The following PRKCE variants were observed in gnomAD, a reference collection of about 807,000 sequenced individuals.
PRKCE encodes the protein protein kinase C epsilon.
PRKCE carries 16 observed loss-of-function variants against 85.4 expected under a neutral mutation model. The ratio of observed to expected loss-of-function variants is 0.19; its 90% CI spans 0.13 to 0.28. The LOEUF is 0.28. Ranked by LOEUF, PRKCE falls within the 10% of genes least tolerant of loss-of-function variation. The probability of loss-of-function intolerance (pLI) is 1.00; values close to 1 mark genes in which losing one functional copy is unlikely to be tolerated. For missense variants in PRKCE, 573 were observed against 975.2 expected, an observed-to-expected ratio of 0.59 and a Z score of 5.49; for synonymous variants, 388 against 371.5, an observed-to-expected ratio of 1.04 and a Z score of -0.51.
chr2:46,002,168 A>T (rs1334216973), intron 7 of PRKCE, among the ~76,000 whole-genome samples: 1 of 152,244 alleles, frequency 6.6e-6, no homozygotes, highest in African/African-American at 2.4e-5. Context: ...CACAGATGTA[A>T]ACAGGGGGAA....
intron 2 of PRKCE, among the ~76,000 whole-genome samples, chr2:45,853,926 A>T (rs1692473089): frequency 6.6e-6 from 1 of 152,022 alleles, no homozygotes; most frequent in Non-Finnish European, 1.5e-5. Flanking sequence ...TTATTTAGCT[A>T]CTTCTTTATT....
intron 14 of PRKCE, among the ~76,000 whole-genome samples, chr2:46,175,651 G>A (rs991144968): frequency 3.3e-5 from 5 of 152,330 alleles, no homozygotes; most frequent in Non-Finnish European, 7.3e-5. Context: ...GAGCATGAAG[G>A]CTAAGCCACT....
At chr2:45,865,585 G>A (rs78369533) in intron 2 of PRKCE, among the ~76,000 whole-genome samples, 12,790 of 152,208 alleles carry the variant, frequency 0.084, 630 homozygotes, top group South Asian at 0.2. Flanking sequence ...TTATTAAGCC[G>A]TGAGAGAGAC....
intron 1 of PRKCE, among the ~76,000 whole-genome samples, chr2:45,785,367 T>G (rs1686516079): frequency 6.6e-6 from 1 of 152,112 alleles, no homozygotes; most frequent in African/African-American, 2.4e-5. Flanking sequence ...GGTACACACC[T>G]GTAGTTCCAC....
At position 45,895,573 on chromosome 2, in the gene PRKCE, A is replaced by G. The variant is rs532718957; in HGVS notation, c.412+52510A>G. Among the ~76,000 whole-genome samples the G allele has an allele frequency of 3.9e-5, 6 of 152,314 alleles. No homozygotes were observed. The highest frequency in any genetic ancestry group is 7.4e-5 in the Non-Finnish European group (5 of 68,026). On this transcript the variant is annotated intron_variant, in intron 2 of 14. Transcript: ENST00000306156. The surrounding 1 kb of genome is among the most constrained non-coding windows in gnomAD (Gnocchi z 4.8). ...TCTTCTTCAATTTGGTTAGAGGAAA[A>G]AAATGCTTTTCTGAGTTTATGCAAA...
chr2:45,929,482 G>A (rs977586794), intron 2 of PRKCE, among the ~76,000 whole-genome samples: 9 of 152,150 alleles, frequency 5.9e-5, no homozygotes, highest in Admixed American at 1.3e-4. Context: ...GACTAAGGGA[G>A]CATGAAAGAA....
intron 1 of PRKCE, among the ~76,000 whole-genome samples, chr2:45,767,886 G>T (rs1384908104): frequency 6.6e-6 from 1 of 152,248 alleles, no homozygotes; most frequent in Middle Eastern, 3.4e-3. Flanking sequence ...AAACACCAAG[G>T]GATAGAAAAC....
intron 1 of PRKCE, among the ~76,000 whole-genome samples, chr2:45,699,401 G>A (rs770542355): frequency 3.9e-5 from 6 of 152,124 alleles, no homozygotes; most frequent in East Asian, 1.9e-4. Context: ...AAATTGTTTC[G>A]CTGACTTGAT....
intron 13 of PRKCE, among the ~76,000 whole-genome samples, chr2:46,156,133 TTAGA>T (rs1677184103): frequency 1.3e-5 from 2 of 150,842 alleles, no homozygotes; most frequent in Non-Finnish European, 2.9e-5. Context: ...CACATTGTGA[TTAGA>T]TAAAGACCTT....
At chr2:45,822,409 A>C (rs1689605965) in intron 1 of PRKCE, among the ~76,000 whole-genome samples, 1 of 152,242 alleles carries the variant, frequency 6.6e-6, no homozygotes, top group Non-Finnish European at 1.5e-5. Context: ...CCAGCAGATG[A>C]GGTCAGCGCC....
chr2:46,178,634 G>A (rs1174055903), intron 14 of PRKCE, among the ~76,000 whole-genome samples: 1 of 152,188 alleles, frequency 6.6e-6, no homozygotes, highest in Non-Finnish European at 1.5e-5. Flanking sequence ...GTGAGGAAGT[G>A]TTCTAATTGT....
intron 2 of PRKCE, among the ~76,000 whole-genome samples, chr2:45,880,320 G>A (rs770240634): frequency 1.6e-4 from 24 of 152,206 alleles, no homozygotes; most frequent in Admixed American, 4.6e-4. Context: ...TACTGCTGCA[G>A]TAAACCTGGG....
At chr2:46,166,163 C>T (rs377762984) in intron 14 of PRKCE, among the ~76,000 whole-genome samples, 18 of 152,294 alleles carry the variant, frequency 1.2e-4, no homozygotes, top group African/African-American at 3.1e-4. Context: ...GAAGTGGGCT[C>T]GAGACCCGCA....
At position 45,861,572 on chromosome 2, in the gene PRKCE, G is replaced by C. The variant is rs369984379; in HGVS notation, c.412+18509G>C. Reference sequence around the variant, plus strand: ...TTCGCATGAGGCTTCAGGTCCCCAAGACTGGCTTATTTTCAGTGTTACTAA... The same window carrying C: ...TTCGCATGAGGCTTCAGGTCCCCAACACTGGCTTATTTTCAGTGTTACTAA... On this transcript the variant is annotated intron_variant, in intron 2 of 14. Coordinates refer to ENST00000306156, the MANE Select transcript of PRKCE (RefSeq NM_005400.3). 1.1e-3 allele frequency among the ~76,000 whole-genome samples: 165 copies of C among 152,236 alleles called. 2 individuals carry two copies. Among genetic ancestry groups the C allele is most frequent in the African/African-American group, 3.7e-3 (154 of 41,526 alleles).
At chr2:46,089,767 A>G (rs1480487006) in intron 11 of PRKCE, among the ~76,000 whole-genome samples, 1 of 152,158 alleles carries the variant, frequency 6.6e-6, no homozygotes, top group African/African-American at 2.4e-5. Context: ...TGCTTCTCAC[A>G]AAGACACCCT....
chr2:45,780,143 G>A (rs74673840), intron 1 of PRKCE, among the ~76,000 whole-genome samples: 1 of 152,166 alleles, frequency 6.6e-6, no homozygotes, highest in Non-Finnish European at 1.5e-5. Flanking sequence ...TCATCAAATA[G>A]CTAATTAGTG....
At chr2:46,102,846 T>A (rs1399933034) in intron 11 of PRKCE, among the ~76,000 whole-genome samples, 3 of 152,202 alleles carry the variant, frequency 2.0e-5, no homozygotes, top group African/African-American at 4.8e-5. Context: ...ACTATCAACA[T>A]GACTTATCAT....
At position 45,964,866 on chromosome 2, in the gene PRKCE, C is replaced by CT. The variant is rs796240633; in HGVS notation, c.413-11554dup. Among the ~76,000 whole-genome samples the CT allele has an allele frequency of 2.7e-3, 410 of 151,964 alleles. 2 individuals are homozygous for CT. The highest frequency in any genetic ancestry group is 0.014 in the Middle Eastern group (4 of 294). On this transcript the variant is annotated intron_variant, in intron 2 of 14. Coordinates refer to ENST00000306156, the MANE Select transcript of PRKCE (RefSeq NM_005400.3). ...ACCGTATCAAAGTCTGAGATTTTCA[C>CT]TTTTTTTTTCCTATGTAGTGAACAC...
chr2:45,683,056 A>C (rs774114514), intron 1 of PRKCE, among the ~76,000 whole-genome samples: 42 of 152,304 alleles, frequency 2.8e-4, no homozygotes, highest in Admixed American at 2.3e-3. Flanking sequence ...TAATGGCCTT[A>C]GTAACTTTGA....
Sources: gnomAD v4.1 joint callset for allele counts (sites outside exome capture counted in the v4.1 genomes callset) on GRCh38, gnomAD v4.1.1 for gene constraint, Gnocchi (gnomAD v3.1) non-coding constraint, MANE v1.5 for transcripts, NCBI Gene and HGNC (gene_info 2026-07-23, HGNC 2026-07-21) for gene names.